NSUN6: variants seen among roughly 807,000 people sequenced by gnomAD.
NSUN6 encodes the protein tRNA (cytosine(72)-C(5))-methyltransferase NSUN6.
Under a neutral mutation model 58.0 loss-of-function variants are expected in NSUN6, and 64 were observed. The ratio of observed to expected loss-of-function variants is 1.10; its 90% CI spans 0.90 to 1.36. The LOEUF (loss-of-function observed/expected upper bound fraction) is 1.36. Among genes scored for constraint, NSUN6 ranks in the 40% most tolerant of loss-of-function variants. NSUN6 has a pLI of 0.00. For synonymous variants in NSUN6, 231 were observed against 193.9 expected (o/e 1.19, Z -1.59); for missense variants, 701 against 550.1 (o/e 1.27, Z -2.74).
Position 18,642,526 on chromosome 10 carries a change from A to C in NSUN6, c.261T>G (p.Leu87=), listed in dbSNP as rs1167683713. 6.4e-7 allele frequency: 1 copy of C among 1,552,242 alleles called. No individual in the cohort carries two copies. The highest frequency in any genetic ancestry group is 8.9e-7 in the Non-Finnish European group (1 of 1,124,432). ...KQFNGLSVPI[L]QHPDLQDVLL... Reference sequence around the variant, plus strand: ...ACACATCTTGAAGGTCTGGATGTTGAAGAATAGGAACACTTAATCCATTAA... The same window carrying C: ...ACACATCTTGAAGGTCTGGATGTTGCAGAATAGGAACACTTAATCCATTAA... The change falls in exon 3 of 11, where the codon CTT becomes CTG. Residue 87 remains leucine (L), a synonymous_variant. Transcript: ENST00000377304.
At chr10:18,600,396 C>T (rs534674152) in intron 6 of NSUN6, among the ~76,000 whole-genome samples, 4 of 151,776 alleles carry the variant, frequency 2.6e-5, no homozygotes, top group South Asian at 4.2e-4. Context: ...AGGCCTAGGT[C>T]GGAGGACCGC....
chr10:18,609,834 T>C lies in NSUN6; in HGVS notation c.657+11A>G. ...AATGTCACTAAATATTTTACTTTTA[T>C]ACATACTTACTTGTAAAAATAAGTA... On this transcript the variant is annotated intron_variant, in intron 6 of 10. Coordinates refer to ENST00000377304, the MANE Select transcript of NSUN6 (RefSeq NM_182543.5). 1 of 1,364,448 alleles carries C rather than the reference T, an allele frequency of 7.3e-7. No homozygotes were observed. Among genetic ancestry groups the C allele is most frequent in the South Asian group, 1.2e-5 (1 of 85,390 alleles). The allele number at this position is 1,364,448 out of a possible 1,614,324, so 84.5% of individuals were successfully genotyped here.
chr10:18,627,315 CTG>C (rs1264481235), intron 3 of NSUN6, among the ~76,000 whole-genome samples: 2 of 152,118 alleles, frequency 1.3e-5, no homozygotes, highest in East Asian at 3.8e-4. Context: ...TTTTAAATAA[CTG>C]TGATATCGAG....
chr10:18,592,988 T>C (rs1168905888), intron 7 of NSUN6, among the ~76,000 whole-genome samples: 1 of 151,982 alleles, frequency 6.6e-6, no homozygotes, highest in Non-Finnish European at 1.5e-5. Context: ...AACCAGAATC[T>C]ACGAAGAACT....
Position 18,600,959 on chromosome 10 carries a change from T to TATAC in NSUN6, c.658-4633_658-4632insGTAT. Among the ~76,000 whole-genome samples, 48 of 64,942 alleles carry TATAC rather than the reference T, an allele frequency of 7.4e-4. 1 individual carries two copies. Among genetic ancestry groups the TATAC allele is most frequent in the South Asian group, 3.3e-3 (6 of 1,840 alleles). The allele number at this position is 64,942 out of a possible 152,430, so 42.6% of individuals were successfully genotyped here. A position where few individuals can be genotyped will look rare whatever the true frequency, so the allele number is the denominator to read the frequency against. ...AAAAAAAAATATATATATATATATA[T>TATAC]ACATATATATATATATATGTATATA... is the stretch of plus-strand genomic sequence containing the variant. On this transcript the variant is annotated intron_variant, in intron 6 of 10. Coordinates refer to ENST00000377304, the MANE Select transcript of NSUN6 (RefSeq NM_182543.5).
chr10:18,624,106 C>T (rs553769215), intron 3 of NSUN6, among the ~76,000 whole-genome samples: 2 of 151,842 alleles, frequency 1.3e-5, no homozygotes, highest in African/African-American at 4.8e-5. Flanking sequence ...AATTCAAGTA[C>T]CACTGTATTT....
chr10:18,593,754 G>T (rs2057468269), intron 7 of NSUN6, among the ~76,000 whole-genome samples: 1 of 151,970 alleles, frequency 6.6e-6, no homozygotes, highest in Non-Finnish European at 1.5e-5. Context: ...AATACCTAAT[G>T]CATGTGGGGC....
In NSUN6 at chr10:18,596,329, T is replaced by C; in HGVS notation, c.658-2A>G. On this transcript the variant is annotated splice_acceptor_variant, in intron 6 of 10. Coordinates refer to ENST00000377304, the MANE Select transcript of NSUN6 (RefSeq NM_182543.5). LOFTEE classifies it high-confidence loss of function. ...ACTTACTAAGGCAGATGGCAAATTCTATAAGGAAAAAAATGTAATCGATTA... is the reference window on the plus strand; with the variant it reads ...ACTTACTAAGGCAGATGGCAAATTCCATAAGGAAAAAAATGTAATCGATTA... 6 of 1,559,510 alleles carry C rather than the reference T, an allele frequency of 3.8e-6. No individual in the cohort carries two copies. The highest frequency in any genetic ancestry group is 5.3e-6 in the Non-Finnish European group (6 of 1,132,374).
At chr10:18,652,297 T>A, upstream of NSUN6, 1 of 984,720 alleles carries the variant, frequency 1.0e-6, no homozygotes, top group Non-Finnish European at 1.2e-6. Context: ...ACTCACTGAG[T>A]CATTTTATAA....
At chr10:18,562,735 A>C (rs1188750075) in intron 8 of NSUN6, among the ~76,000 whole-genome samples, 3 of 145,820 alleles carry the variant, frequency 2.1e-5, no homozygotes, top group African/African-American at 2.8e-5. Flanking sequence ...GCGAAATGGA[A>C]TGGAATGGAG....
intron 3 of NSUN6, among the ~76,000 whole-genome samples, chr10:18,640,148 A>T (rs1410764535): frequency 6.6e-6 from 1 of 152,258 alleles, no homozygotes; most frequent in East Asian, 1.9e-4. Context: ...TTTTTAAGTG[A>T]ACACAAAAGC....
At chr10:18,592,624 C>T (rs375803240) in intron 7 of NSUN6, among the ~76,000 whole-genome samples, 1 of 152,122 alleles carries the variant, frequency 6.6e-6, no homozygotes, top group Non-Finnish European at 1.5e-5. Context: ...TGAAAGGATC[C>T]CCTATTTAAT....
At chr10:18,565,745 C>T (rs1320507065) in intron 8 of NSUN6, among the ~76,000 whole-genome samples, 1 of 150,184 alleles carries the variant, frequency 6.7e-6, no homozygotes, top group Non-Finnish European at 1.5e-5. Flanking sequence ...ATCTCCATTC[C>T]ACGCTCCATT....
At chr10:18,615,984 A>G (rs2131356438) in intron 4 of NSUN6, among the ~76,000 whole-genome samples, 200 bp downstream of exon 4, 1 of 152,254 alleles carries the variant, frequency 6.6e-6, no homozygotes, top group East Asian at 1.9e-4. Context: ...TTGGAAGGAA[A>G]AAAAAAAAAC....
chr10:18,636,710 G>A (rs2059227042), intron 3 of NSUN6, among the ~76,000 whole-genome samples: 1 of 151,864 alleles, frequency 6.6e-6, no homozygotes, highest in African/African-American at 2.4e-5. Context: ...TGGCCAATAT[G>A]GTGAAACCCA....
intron 6 of NSUN6, among the ~76,000 whole-genome samples, chr10:18,604,095 T>C (rs1482014459): frequency 6.6e-6 from 1 of 151,892 alleles, no homozygotes; most frequent in Non-Finnish European, 1.5e-5. Flanking sequence ...AGCAGGAGAA[T>C]CACTTGAACC....
intron 3 of NSUN6, among the ~76,000 whole-genome samples, chr10:18,640,502 TAAG>T (rs2059358203): frequency 6.6e-6 from 1 of 152,218 alleles, no homozygotes; most frequent in South Asian, 2.1e-4. Flanking sequence ...TGCATCCTCA[TAAG>T]GAGTGTAGTA....
At chr10:18,616,425 G>C (rs985385610) in intron 3 of NSUN6, 132 bp from the exon 4 acceptor site, 2 of 553,814 alleles carry the variant, frequency 3.6e-6, no homozygotes, top group Non-Finnish European at 6.3e-6. Flanking sequence ...ACGCTGAAAA[G>C]AGAGGCATAC....
intron 8 of NSUN6, among the ~76,000 whole-genome samples, chr10:18,577,636 T>A (rs2056716267): frequency 6.6e-6 from 1 of 152,246 alleles, no homozygotes; most frequent in South Asian, 2.1e-4. Context: ...AAGGAAAATG[T>A]GAGAAGAGGG....
Sources: allele counts gnomAD v4.1 joint callset (sites outside exome capture counted in the v4.1 genomes callset), GRCh38; gene constraint gnomAD v4.1.1; transcripts MANE v1.5; gene names NCBI Gene and HGNC (gene_info 2026-07-23, HGNC 2026-07-21).